Variants in AUH observed in about 807,000 individuals in gnomAD.
The protein encoded by AUH is AU RNA binding methylglutaconyl-CoA hydratase, also known as methylglutaconyl-CoA hydratase, mitochondrial.
A neutral mutation model predicts 42.3 loss-of-function variants in AUH; 29 were observed. The observed-to-expected ratio is 0.69, with a 90% CI of 0.51 to 0.93. The LOEUF (loss-of-function observed/expected upper bound fraction) is 0.93. Ranked by LOEUF, AUH falls within the 40% of genes least tolerant of loss-of-function variation. AUH has a pLI of 0.00. For synonymous variants in AUH, 174 were observed against 166.4 expected, an observed-to-expected ratio of 1.05 and a Z score of -0.35; for missense variants, 452 against 438.1, an observed-to-expected ratio of 1.03 and a Z score of -0.28.
chr9:91,318,137 T>C (rs1392156263), intron 4 of AUH, among the ~76,000 whole-genome samples: 1 of 152,232 alleles, frequency 6.6e-6, no homozygotes, highest in African/African-American at 2.4e-5. Context: ...TGTGGAACTG[T>C]CTGTATAAGA....
At chr9:91,327,285 A>T (rs1382305739) in intron 3 of AUH, among the ~76,000 whole-genome samples, 1 of 152,176 alleles carries the variant, frequency 6.6e-6, no homozygotes, top group East Asian at 1.9e-4. Context: ...CCAACCTTCA[A>T]GCCACTGACA....
chr9:91,357,621 A>G (rs758162447), intron 1 of AUH: 134 of 511,766 alleles, frequency 2.6e-4, no homozygotes, highest in Non-Finnish European at 3.1e-4. Context: ...TGCTACAGTA[A>G]CTTGTAACCA....
intron 6 of AUH, among the ~76,000 whole-genome samples, chr9:91,266,923 C>T (rs1830007244): frequency 6.6e-6 from 1 of 151,958 alleles, no homozygotes; most frequent in African/African-American, 2.4e-5. Context: ...CAAAGTATGC[C>T]CATGTGACAG....
At chr9:91,281,692 G>GT (rs1306616207) in intron 6 of AUH, among the ~76,000 whole-genome samples, 3 of 152,164 alleles carry the variant, frequency 2.0e-5, no homozygotes, top group Non-Finnish European at 4.4e-5. Flanking sequence ...AATCCTTGGA[G>GT]TCATTCTTTA....
chr9:91,298,860 T>C (rs1484340776), intron 4 of AUH, among the ~76,000 whole-genome samples: 5 of 152,234 alleles, frequency 3.3e-5, no homozygotes, highest in African/African-American at 7.2e-5. Flanking sequence ...TTAATTTTAT[T>C]TCTGACTATG....
chr9:91,264,390 G>T (rs950405840), intron 6 of AUH, among the ~76,000 whole-genome samples: 4 of 152,168 alleles, frequency 2.6e-5, no homozygotes, highest in African/African-American at 9.7e-5. Flanking sequence ...GGTTGAAGTG[G>T]AGATAGATGT....
At chr9:91,238,068 T>C (rs1460436120) in intron 6 of AUH, among the ~76,000 whole-genome samples, 1 of 152,234 alleles carries the variant, frequency 6.6e-6, no homozygotes, top group Admixed American at 6.5e-5. Flanking sequence ...ACATTTTCAG[T>C]GTCCGTTTTA....
At chr9:91,226,434 G>T (rs1341158912) in intron 6 of AUH, among the ~76,000 whole-genome samples, 241 of 144,932 alleles carry the variant, frequency 1.7e-3, no homozygotes, top group African/African-American at 5.8e-3. Context: ...TGAGTTCATT[G>T]TAGATTCTGG....
At chr9:91,332,247 A>G (rs1027493001) in intron 3 of AUH, among the ~76,000 whole-genome samples, 1 of 152,218 alleles carries the variant, frequency 6.6e-6, no homozygotes, top group Non-Finnish European at 1.5e-5. Flanking sequence ...CACGCCTGGA[A>G]TCACAGCACT....
chr9:91,322,411 T>C (rs1220926901), intron 4 of AUH, among the ~76,000 whole-genome samples: 1 of 152,174 alleles, frequency 6.6e-6, no homozygotes, highest in East Asian at 1.9e-4. Flanking sequence ...TGTCAGAAGG[T>C]ACATAAACAT....
rs863223911 is a variant in AUH, at chr9:91,361,870, G to A, written c.20C>T (p.Ala7Val). 47 of 1,469,068 alleles carry A rather than the reference G, an allele frequency of 3.2e-5. No homozygotes were observed. Among genetic ancestry groups the A allele is most frequent in the South Asian group, 2.7e-4 (21 of 76,608 alleles). 91.0% of individuals were successfully genotyped at this position (1,469,068 alleles called of 1,614,324 possible). A position where few individuals can be genotyped will look rare whatever the true frequency, so the allele number is the denominator to read the frequency against. The change falls in exon 1 of 10, where the codon GCG (alanine) becomes GTG (valine). Residue 7 changes from alanine to valine, a missense_variant. Ala to Val is a moderately conservative substitution (Grantham distance 64). Transcript: ENST00000375731. MAAAVA[A>V]APGALGSLHA... ...CAGGGATCCCAAGGCCCCAGGTGCC[G>A]CCGCCACCGCGGCCGCCATGTTGTC...
intron 4 of AUH, among the ~76,000 whole-genome samples, chr9:91,321,777 ATCAAATGAAAT>A (rs1468096048): frequency 6.6e-6 from 1 of 152,194 alleles, no homozygotes; most frequent in African/African-American, 2.4e-5. Context: ...ATGCATAAAA[ATCAAATGAAAT>A]TCAAATTTGG....
At chr9:91,232,076 T>C (rs1360158563) in intron 6 of AUH, among the ~76,000 whole-genome samples, 1 of 152,210 alleles carries the variant, frequency 6.6e-6, no homozygotes, top group Admixed American at 6.5e-5. Context: ...CTTTCTACAA[T>C]GTTTACATAG....
At chr9:91,290,881 A>G (rs368070071) in intron 6 of AUH, among the ~76,000 whole-genome samples, 4 of 152,196 alleles carry the variant, frequency 2.6e-5, no homozygotes, top group Non-Finnish European at 5.9e-5. Flanking sequence ...TCTGTCCCCA[A>G]AAATCATGTA....
intron 1 of AUH, among the ~76,000 whole-genome samples, chr9:91,359,270 G>A (rs1832671059): frequency 6.6e-6 from 1 of 152,122 alleles, no homozygotes; most frequent in South Asian, 2.1e-4. Flanking sequence ...TCCTTCCCTA[G>A]AACCAGCTCA....
At chr9:91,238,218 A>G (rs1828300320) in intron 6 of AUH, among the ~76,000 whole-genome samples, 1 of 152,168 alleles carries the variant, frequency 6.6e-6, no homozygotes, top group African/African-American at 2.4e-5. Flanking sequence ...AATGTTTCTC[A>G]TTTGTCATTC....
chr9:91,331,204 A>G (rs1026434896), intron 3 of AUH, among the ~76,000 whole-genome samples: 2 of 152,226 alleles, frequency 1.3e-5, no homozygotes, highest in African/African-American at 4.8e-5. Context: ...AGTAATCTAC[A>G]TAGAAGGGGA....
chr9:91,259,785 A>C (rs948906489), intron 6 of AUH, among the ~76,000 whole-genome samples: 11 of 152,114 alleles, frequency 7.2e-5, no homozygotes, highest in African/African-American at 2.7e-4. Context: ...CACTGGTGTC[A>C]GAGAATATAT....
At chr9:91,242,163 T>C (rs1379804574) in intron 6 of AUH, among the ~76,000 whole-genome samples, 3 of 152,146 alleles carry the variant, frequency 2.0e-5, no homozygotes, top group Admixed American at 6.5e-5. Flanking sequence ...AAGGAAGCCA[T>C]AGTCTTTTTA....
Sources: gnomAD v4.1 joint callset for allele counts (sites outside exome capture counted in the v4.1 genomes callset) on GRCh38, gnomAD v4.1.1 for gene constraint, MANE v1.5 for transcripts, NCBI Gene and HGNC (gene_info 2026-07-23, HGNC 2026-07-21) for gene names.